CACNA1H: variants seen among roughly 807,000 people sequenced by gnomAD.
CACNA1H encodes the protein calcium voltage-gated channel subunit alpha1 H.
CACNA1H carries 149 observed loss-of-function variants against 192.5 expected under a neutral mutation model. That is an observed-to-expected ratio of 0.77 (90% confidence interval 0.68 to 0.89). The LOEUF (loss-of-function observed/expected upper bound fraction) is 0.89, where lower values mean the gene tolerates loss of function less well. Ranked by LOEUF, CACNA1H falls within the 40% of genes least tolerant of loss-of-function variation. The pLI, the probability that CACNA1H is intolerant of heterozygous loss-of-function variation, is 0.00. For missense variants in CACNA1H, 4,257 were observed against 3,423.5 expected (o/e 1.24, Z -6.08); for synonymous variants, 2,202 against 1,475.2 (o/e 1.49, Z -11.29).
At chr16:1,172,963 C>G (rs1385948761) in intron 2 of CACNA1H, among the ~76,000 whole-genome samples, 2 of 149,038 alleles carry the variant, frequency 1.3e-5, no homozygotes, top group Non-Finnish European at 3.0e-5. Context: ...CACCAGGTCC[C>G]TGCAGGTGGG....
rs753809562 is a variant in CACNA1H, at chr16:1,195,988, T to C, written c.608T>C (p.Val203Ala). The stretch of plus-strand genomic sequence containing the variant: ...CTCTCGGCTATCAGGACCGTGCGGG[T>C]GCTGCGGCCCCTCCGCGCCATCAAC... ...VSLSAIRTVR[V>A]LRPLRAINRV... is the part of the protein sequence containing the mutation. The change falls in exon 5 of 35, where the codon GTG becomes GCG. Residue 203 changes from valine to alanine, a missense_variant. By Grantham distance (64) the Val-to-Ala change is moderately conservative. Transcript: ENST00000348261. 6.2e-7 allele frequency: 1 copy of C among 1,612,888 alleles called. No homozygotes were observed. The highest frequency in any genetic ancestry group is 8.5e-7 in the Non-Finnish European group (1 of 1,179,794).
At chr16:1,214,601 A>C (rs963636692) in intron 27 of CACNA1H, among the ~76,000 whole-genome samples, 2 of 151,980 alleles carry the variant, frequency 1.3e-5, no homozygotes, top group African/African-American at 4.8e-5. Flanking sequence ...CATGTCCCCG[A>C]GGTGCTCAAG....
chr16:1,153,916 C>A lies in CACNA1H; in HGVS notation c.179C>A (p.Ala60Glu), dbSNP rs1961915043. Residue 60 changes from alanine to glutamate, a missense_variant, in exon 2 of 35, where the codon GCG becomes GAG. Transcript: ENST00000348261. ...GAGAGCCCGGCGGCCGAGCGCGGCG[C>A]GGAGCTGGGTGCCGACGAGGAGCAG... ...PSESPAAERG[A>E]ELGADEEQRV... The A allele has an allele frequency of 1.4e-6, 2 of 1,455,154 alleles. No individual in the cohort carries two copies. The highest frequency in any genetic ancestry group is 1.5e-5 in the African/African-American group (1 of 67,888). The allele number at this position is 1,455,154 out of a possible 1,614,324, so 90.1% of individuals were successfully genotyped here. A position where few individuals can be genotyped will look rare whatever the true frequency, so the allele number is the denominator to read the frequency against.
rs1171444249 is a variant in CACNA1H at position 1,198,616 on chromosome 16, C to T, written c.645C>T (p.Ser215=). The T allele has an allele frequency of 3.1e-6, 5 of 1,612,690 alleles. No homozygotes were observed. Among genetic ancestry groups the T allele is most frequent in the Non-Finnish European group, 4.2e-6 (5 of 1,179,604 alleles). The change falls in exon 6 of 35, where the codon AGC becomes AGT. Residue 215 remains serine, a splice_region_variant and synonymous_variant. Coordinates refer to ENST00000348261, the MANE Select transcript of CACNA1H (RefSeq NM_021098.3). The stretch of plus-strand genomic sequence containing the variant: ...CAATCCTGGCCCTGCTGCCCACAGG[C>T]ATGCGGATCCTGGTCACTCTGCTGC... ...RPLRAINRVP[S]MRILVTLLLD...
At position 1,210,565 on chromosome 16, in the gene CACNA1H, A is replaced by G; in HGVS notation, c.3970-18A>G. ...AGGGGTGGAGTGGACACAGCCCCCC[A>G]CCGTCCTCTCCCGGCAGGAGCGGGT... On this transcript the variant is annotated intron_variant, in intron 19 of 34. Transcript: ENST00000348261. 4 of 1,609,278 alleles carry G rather than the reference A, an allele frequency of 2.5e-6. No homozygotes were observed. Among genetic ancestry groups the G allele is most frequent in the Non-Finnish European group, 3.4e-6 (4 of 1,179,598 alleles).
Position 1,218,544 on chromosome 16 carries a change from T to C in CACNA1H, c.5780T>C (p.Leu1927Pro). The C allele has an allele frequency of 6.4e-7, 1 of 1,559,540 alleles. No homozygotes were observed. Among genetic ancestry groups the C allele is most frequent in the Admixed American group, 1.9e-5 (1 of 52,096 alleles). ...GTGTCCGTGTCCAGGATGCTCTCGCTGCCCAACGACAGCTACATGTTCAGG... is the reference window on the plus strand; with the variant it reads ...GTGTCCGTGTCCAGGATGCTCTCGCCGCCCAACGACAGCTACATGTTCAGG... ...RKVSVSRMLS[L>P]PNDSYMFRPV... Residue 1927 changes from leucine (L) to proline (P), a missense_variant, in exon 33 of 35, where the codon CTG (leucine) becomes CCG (proline). By Grantham distance (98) the Leu-to-Pro change is moderately conservative (BLOSUM62 -3). Transcript: ENST00000348261.
intron 2 of CACNA1H, among the ~76,000 whole-genome samples, chr16:1,163,374 G>A (rs959592518): frequency 1.3e-5 from 2 of 152,194 alleles, no homozygotes; most frequent in Non-Finnish European, 2.9e-5. Flanking sequence ...ATGGCACCTC[G>A]TGCTCCCGGG....
chr16:1,161,472 T>C (rs1306733545), intron 2 of CACNA1H, among the ~76,000 whole-genome samples: 1 of 152,186 alleles, frequency 6.6e-6, no homozygotes, highest in Non-Finnish European at 1.5e-5. Context: ...AGGCCTTTTT[T>C]TGGGCAAGGT....
Position 1,203,036 on chromosome 16 carries a change from T to C in CACNA1H, c.2002+584T>C, listed in dbSNP as rs535384878. ...TCCACACGGGCCTGGGGGCCCTTCC[T>C]GGTTCTGTACACAGATGTAGAGACG... On this transcript the variant is annotated intron_variant, in intron 9 of 34. Coordinates refer to ENST00000348261, the MANE Select transcript of CACNA1H (RefSeq NM_021098.3). 4.6e-5 allele frequency among the ~76,000 whole-genome samples: 7 copies of C among 151,228 alleles called. No individual in the cohort carries two copies. In the East Asian group the frequency reaches 1.4e-3, roughly 30 times the overall value.
rs74004850 is a variant in CACNA1H at position 1,178,760 on chromosome 16, A to G, written c.300-16212A>G. Among the ~76,000 whole-genome samples, 607 of 152,020 alleles carry G rather than the reference A, an allele frequency of 4.0e-3. 2 individuals are homozygous for G. The highest frequency in any genetic ancestry group is 0.014 in the African/African-American group (578 of 41,394). ...GAGCTCCTGGGCAGGTTGGGCCCAG[A>G]TGCCCCTGCCCCTGTCTCCTCCAAG... On this transcript the variant is annotated intron_variant, in intron 2 of 34. Coordinates refer to ENST00000348261, the MANE Select transcript of CACNA1H (RefSeq NM_021098.3).
At chr16:1,207,251 C>T (rs752563741) in intron 13 of CACNA1H, 24 bp from the exon 14 acceptor site, 4 of 1,590,762 alleles carry the variant, frequency 2.5e-6, no homozygotes, top group South Asian at 2.3e-5. Context: ...GGGTGACCAC[C>T]CCAGGCCCCC....
chr16:1,203,139 A>C (rs990552403), intron 9 of CACNA1H, among the ~76,000 whole-genome samples: 4 of 152,102 alleles, frequency 2.6e-5, no homozygotes, highest in Non-Finnish European at 5.9e-5. Flanking sequence ...GTGTGCCCTC[A>C]TGCGCTGGTA....
chr16:1,184,181 T>G (rs1965752532), intron 2 of CACNA1H, among the ~76,000 whole-genome samples: 1 of 152,236 alleles, frequency 6.6e-6, no homozygotes, highest in Non-Finnish European at 1.5e-5. Context: ...TCAGGAATGG[T>G]CAGGCCCAGC....
At chr16:1,168,215 T>G (rs989074673) in intron 2 of CACNA1H, among the ~76,000 whole-genome samples, 1 of 151,866 alleles carries the variant, frequency 6.6e-6, no homozygotes, top group Admixed American at 6.6e-5. Context: ...AGTGACAGTT[T>G]CTGCCCAGCT....
At chr16:1,191,082 G>T (rs1966571885) in intron 2 of CACNA1H, among the ~76,000 whole-genome samples, 1 of 119,990 alleles carries the variant, frequency 8.3e-6, no homozygotes, top group Admixed American at 7.9e-5. Flanking sequence ...CACACTCGGG[G>T]TCTCTCTGAC....
intron 30 of CACNA1H, 119 bp from the exon 31 acceptor site, chr16:1,216,800 TGGCCGGGCCCGGA>T: frequency 1.6e-6 from 1 of 618,336 alleles, no homozygotes; most frequent in South Asian, 1.6e-5. Context: ...TGCTTCCACT[TGGCCGGGCCCGGA>T]GCACCTGGAA....
Position 1,198,610 on chromosome 16 carries a change from C to G in CACNA1H, c.644-5C>G, listed in dbSNP as rs1322040044. 1 of 1,612,412 alleles carries G rather than the reference C, an allele frequency of 6.2e-7. No homozygotes were observed. Among genetic ancestry groups the G allele is most frequent in the Non-Finnish European group, 8.5e-7 (1 of 1,179,586 alleles). On this transcript the variant is annotated splice_region_variant and splice_polypyrimidine_tract_variant and intron_variant, in intron 5 of 34. Coordinates refer to ENST00000348261, the MANE Select transcript of CACNA1H (RefSeq NM_021098.3). ...CAGTGCCAATCCTGGCCCTGCTGCC[C>G]ACAGGCATGCGGATCCTGGTCACTC...
intron 2 of CACNA1H, among the ~76,000 whole-genome samples, chr16:1,193,670 C>G (rs1039699667): frequency 2.0e-5 from 3 of 152,222 alleles, no homozygotes; most frequent in Non-Finnish European, 4.4e-5. Context: ...TACCGCTGAA[C>G]CCATTAAGTG....
chr16:1,172,617 G>A (rs992449899), intron 2 of CACNA1H, among the ~76,000 whole-genome samples: 1 of 152,194 alleles, frequency 6.6e-6, no homozygotes, highest in African/African-American at 2.4e-5. Flanking sequence ...CCCGGCTTCT[G>A]TAATTAAACG....
Sources: gnomAD v4.1 joint callset for allele counts (sites outside exome capture counted in the v4.1 genomes callset) on GRCh38, gnomAD v4.1.1 for gene constraint, MANE v1.5 for transcripts, NCBI Gene and HGNC (gene_info 2026-07-23, HGNC 2026-07-21) for gene names.